ATP5MJ: variants seen among roughly 807,000 people sequenced by gnomAD.
ATP5MJ encodes ATP synthase membrane subunit j.
ATP5MJ carries 4 observed loss-of-function variants against 8.3 expected under a neutral mutation model. That is an observed-to-expected ratio of 0.48 (90% CI 0.24 to 1.11). The LOEUF (loss-of-function observed/expected upper bound fraction) is 1.11. ATP5MJ is among the 50% of genes least tolerant of loss of function. The pLI is 0.18. For synonymous variants in ATP5MJ, 23 were observed against 21.3 expected (o/e 1.08, Z -0.23); for missense variants, 66 against 71.8 (o/e 0.92, Z 0.29).
intron 3 of ATP5MJ, 67 bp downstream of exon 3, chr14:103,913,894 T>C: frequency 1.3e-6 from 2 of 1,535,932 alleles, no homozygotes; most frequent in Non-Finnish European, 1.8e-6. Flanking sequence ...AACAACGATA[T>C]ACCTTGTCCT....
At position 103,912,583 on chromosome 14, in the gene ATP5MJ, T is replaced by A; in HGVS notation, c.*83A>T. On this transcript the variant is annotated 3_prime_UTR_variant, in exon 4 of 4. Coordinates refer to ENST00000286953, the MANE Select transcript of ATP5MJ (RefSeq NM_004894.3). ...TACTTATACAAGTGTACAGTGACGT[T>A]CCACGCTCCCCATCTAACACGGCTT... 7.1e-7 allele frequency: 1 copy of A among 1,405,332 alleles called. No individual in the cohort carries two copies. Among genetic ancestry groups the A allele is most frequent in the East Asian group, 2.3e-5 (1 of 43,888 alleles). The allele number at this position is 1,405,332 out of a possible 1,614,324, so 87.1% of individuals were successfully genotyped here. A position where few individuals can be genotyped will look rare whatever the true frequency, so the allele number is the denominator to read the frequency against.
At chr14:103,917,065 A>G (rs2087631456) in intron 1 of ATP5MJ, among the ~76,000 whole-genome samples, 1 of 152,172 alleles carries the variant, frequency 6.6e-6, no homozygotes, top group African/African-American at 2.4e-5. Flanking sequence ...AGGAGCTGAG[A>G]AACAATAAAG....
chr14:103,920,771 G>T (rs1471358803), intron 1 of ATP5MJ, among the ~76,000 whole-genome samples: 1 of 152,106 alleles, frequency 6.6e-6, no homozygotes, highest in African/African-American at 2.4e-5. Context: ...CGCCCGGCCG[G>T]CCCCTTTCTT....
chr14:103,920,411 C>T lies in ATP5MJ; in HGVS notation c.-1+1059G>A, dbSNP rs112892050. 9.7e-3 allele frequency among the ~76,000 whole-genome samples: 1,438 copies of T among 148,046 alleles called. 27 individuals are homozygous for T. Among genetic ancestry groups the T allele is most frequent in the African/African-American group, 0.033 (1,351 of 40,330 alleles). ...CCTCCCAAAGTGCTGGGATTACAGG[C>T]GTGAGCCACCGCGCCCAGCTACATA... On this transcript the variant is annotated intron_variant, in intron 1 of 3. Coordinates refer to ENST00000286953, the MANE Select transcript of ATP5MJ (RefSeq NM_004894.3).
intron 1 of ATP5MJ, among the ~76,000 whole-genome samples, chr14:103,918,882 C>T (rs999840744): frequency 6.6e-5 from 10 of 151,772 alleles, no homozygotes; most frequent in African/African-American, 2.4e-4. Flanking sequence ...ATTAGCCGGG[C>T]GTGGTGGCGG....
At chr14:103,914,363 A>G (rs758226443) in intron 2 of ATP5MJ, 4 of 539,438 alleles carry the variant, frequency 7.4e-6, no homozygotes, top group South Asian at 3.0e-5. Flanking sequence ...TCAAATATTC[A>G]GAACAGTTGA....
rs546356392 is a variant in ATP5MJ, at chr14:103,915,098, A to G, written c.92T>C (p.Met31Thr). 2 of 1,614,168 alleles carry G rather than the reference A, an allele frequency of 1.2e-6. No homozygotes were observed. Among genetic ancestry groups the G allele is most frequent in the African/African-American group, 2.7e-5 (2 of 75,054 alleles). Residue 31 changes from methionine (M) to threonine (T), a missense_variant, in exon 2 of 4, where the codon ATG (methionine) becomes ACG (threonine). Coordinates refer to ENST00000286953, the MANE Select transcript of ATP5MJ (RefSeq NM_004894.3). Reference protein sequence around the residue: ...YQEIWIGMGLMGFIVYKIRAA... With the variant: ...YQEIWIGMGLTGFIVYKIRAA... ...CCGGATTTTATAAACGATGAAGCCCATCAGCCCCATTCCTATCCAAATCTC... is the reference window on the plus strand; with the variant it reads ...CCGGATTTTATAAACGATGAAGCCCGTCAGCCCCATTCCTATCCAAATCTC...
At chr14:103,914,953 T>A (rs2087613424) in intron 2 of ATP5MJ, 113 bp downstream of exon 2, 2 of 1,363,942 alleles carry the variant, frequency 1.5e-6, no homozygotes. Flanking sequence ...TGTAGGTAGC[T>A]CTAATGTTCA....
chr14:103,918,850 G>A (rs533140804), intron 1 of ATP5MJ, among the ~76,000 whole-genome samples: 6 of 151,892 alleles, frequency 4.0e-5, no homozygotes, highest in African/African-American at 1.2e-4. Flanking sequence ...GTGAAACCCC[G>A]TCTCTACTAA....
chr14:103,915,648 AT>A (rs542646013), intron 1 of ATP5MJ, among the ~76,000 whole-genome samples: 1,967 of 132,742 alleles, frequency 0.015, 6 homozygotes, highest in Non-Finnish European at 0.021. Context: ...GTGCCTGGCC[AT>A]TTTTTTTTTT....
chr14:103,918,521 T>C (rs4906385), intron 1 of ATP5MJ, among the ~76,000 whole-genome samples: 111,596 of 151,684 alleles, frequency 0.74, 41,359 homozygotes, highest in African/African-American at 0.81. Flanking sequence ...CCACCACGCC[T>C]GGCTAATTTT....
intron 1 of ATP5MJ, among the ~76,000 whole-genome samples, chr14:103,916,409 G>A (rs1233419615): frequency 6.6e-6 from 1 of 152,188 alleles, no homozygotes. Context: ...TGTCAGGAGT[G>A]ACTAGATCTA....
chr14:103,913,717 A>G (rs542579527), intron 3 of ATP5MJ: 16 of 578,626 alleles, frequency 2.8e-5, no homozygotes, highest in Non-Finnish European at 4.6e-5. Flanking sequence ...GACTACCTCT[A>G]ATTAATCCAT....
Position 103,914,247 on chromosome 14 carries a change from C to T in ATP5MJ, c.125-263G>A, listed in dbSNP as rs2087604862. On this transcript the variant is annotated intron_variant, in intron 2 of 3. Coordinates refer to ENST00000286953, the MANE Select transcript of ATP5MJ (RefSeq NM_004894.3). ...CTTGCAGCATAAAGTTTTCTCTTTT[C>T]TCTTTGTAATCAATGGCTTAGTAAC... The T allele has an allele frequency of 2.5e-5, 14 of 562,894 alleles. No homozygotes were observed. In the South Asian group the frequency reaches 3.6e-4, roughly 14 times the overall value. 34.9% of individuals were successfully genotyped at this position (562,894 alleles called of 1,614,324 possible).
chr14:103,917,593 C>T (rs1468641084), intron 1 of ATP5MJ, among the ~76,000 whole-genome samples: 2 of 152,034 alleles, frequency 1.3e-5, no homozygotes, highest in Admixed American at 6.5e-5. Flanking sequence ...TTCGATTCCT[C>T]CCCCACCGTG....
At position 103,915,174 on chromosome 14, in the gene ATP5MJ, T is replaced by C. The variant is rs373753548; in HGVS notation, c.16A>G (p.Ile6Val). MLQSI[I>V]KNIWIPMKPY... ...TTCATGGGGATCCATATGTTTTTAA[T>C]AATACTTTGAAGCATCTGAAAATGA... Residue 6 changes from isoleucine to valine, a missense_variant, in exon 2 of 4, where the codon ATT becomes GTT. Physicochemically the swap from Ile to Val is conservative, Grantham distance 29 (BLOSUM62 3). Coordinates refer to ENST00000286953, the MANE Select transcript of ATP5MJ (RefSeq NM_004894.3). 1.3e-5 allele frequency: 21 copies of C among 1,613,318 alleles called. No individual in the cohort carries two copies. The highest frequency in any genetic ancestry group is 3.3e-5 in the South Asian group (3 of 90,996).
chr14:103,914,345 A>C, intron 2 of ATP5MJ: 1 of 536,620 alleles, frequency 1.9e-6, no homozygotes, highest in East Asian at 2.9e-5. Context: ...TTTTTTTACA[A>C]ACAAATTTCA....
chr14:103,917,404 G>A (rs2087633948), intron 1 of ATP5MJ, among the ~76,000 whole-genome samples: 2 of 152,114 alleles, frequency 1.3e-5, no homozygotes, highest in Non-Finnish European at 1.5e-5. Flanking sequence ...AAGGGCCTTG[G>A]AGGCTAGCAT....
intron 1 of ATP5MJ, among the ~76,000 whole-genome samples, chr14:103,917,041 C>G (rs2087631364): frequency 6.6e-6 from 1 of 152,116 alleles, no homozygotes; most frequent in Admixed American, 6.6e-5. Context: ...GTACTAGGTG[C>G]CAGACATTGT....
Sources: gnomAD v4.1 joint callset for allele counts (sites outside exome capture counted in the v4.1 genomes callset) on GRCh38, gnomAD v4.1.1 for gene constraint, MANE v1.5 for transcripts, NCBI Gene and HGNC (gene_info 2026-07-23, HGNC 2026-07-21) for gene names.